Variants in PAFAH1B1 observed in about 807,000 individuals in gnomAD.
PAFAH1B1 encodes platelet-activating factor acetylhydrolase IB subunit beta.
A neutral mutation model predicts 57.5 loss-of-function variants in PAFAH1B1; 2 were observed. The ratio of observed to expected loss-of-function variants is 0.03; its 90% CI spans 0.01 to 0.11. The LOEUF is 0.11. Among genes scored for constraint, PAFAH1B1 ranks in the 10% least tolerant of loss-of-function variants. The pLI, the probability that PAFAH1B1 is intolerant of heterozygous loss-of-function variation, is 1.00. For missense variants in PAFAH1B1, 257 were observed against 512.0 expected, an observed-to-expected ratio of 0.50 and a Z score of 4.81; for synonymous variants, 152 against 169.6, an observed-to-expected ratio of 0.90 and a Z score of 0.81.
At chr17:2,646,466 A>G (rs1473447623) in intron 2 of PAFAH1B1, among the ~76,000 whole-genome samples, 1 of 152,166 alleles carries the variant, frequency 6.6e-6, no homozygotes, top group Non-Finnish European at 1.5e-5. Flanking sequence ...CTGCCTGGCC[A>G]ACATGGTGAA....
chr17:2,616,637 A>G lies in PAFAH1B1; in HGVS notation c.-190-21462A>G, dbSNP rs1023207452. 2.0e-5 allele frequency among the ~76,000 whole-genome samples: 3 copies of G among 152,332 alleles called. No individual in the cohort carries two copies. The East Asian group carries it at 5.8e-4, about 29-fold the overall frequency. ...TTAAATGTTAATTGTATCTGAAGAA[A>G]TATCTTCACAGCAACATCTAAACTA... On this transcript the variant is annotated intron_variant, in intron 1 of 10. Coordinates refer to ENST00000397195, the MANE Select transcript of PAFAH1B1 (RefSeq NM_000430.4).
intron 1 of PAFAH1B1, among the ~76,000 whole-genome samples, chr17:2,609,044 A>G (rs1028711054): frequency 2.6e-5 from 4 of 152,210 alleles, no homozygotes; most frequent in Non-Finnish European, 4.4e-5. Flanking sequence ...GCCAACATTT[A>G]AAAACTAGCT....
At chr17:2,621,658 C>G (rs2068425548) in intron 1 of PAFAH1B1, among the ~76,000 whole-genome samples, 1 of 119,890 alleles carries the variant, frequency 8.3e-6, no homozygotes, top group African/African-American at 3.4e-5. Context: ...CAGGGTCACC[C>G]TCTGTTGCCC....
intron 1 of PAFAH1B1, among the ~76,000 whole-genome samples, chr17:2,605,432 A>G (rs756656838): frequency 1.6e-4 from 25 of 152,232 alleles, no homozygotes; most frequent in Admixed American, 9.8e-4. Context: ...CTTTAATGAA[A>G]ATGCAAAGAA....
chr17:2,671,216 GT>G (rs750928242), intron 6 of PAFAH1B1, among the ~76,000 whole-genome samples: 8 of 148,344 alleles, frequency 5.4e-5, no homozygotes, highest in Non-Finnish European at 9.0e-5. Flanking sequence ...TTTTTTGGTT[GT>G]TTTTTTTTTG....
intron 5 of PAFAH1B1, among the ~76,000 whole-genome samples, chr17:2,668,793 GT>G (rs1276271491): frequency 1.3e-5 from 2 of 152,096 alleles, no homozygotes; most frequent in Non-Finnish European, 2.9e-5. Context: ...GGCTAACATG[GT>G]GAAACCCCGT....
intron 5 of PAFAH1B1, among the ~76,000 whole-genome samples, chr17:2,669,065 C>T (rs940924752): frequency 6.6e-6 from 1 of 152,070 alleles, no homozygotes; most frequent in African/African-American, 2.4e-5. Context: ...TAGTCATTCT[C>T]ATTACATATG....
intron 1 of PAFAH1B1, among the ~76,000 whole-genome samples, chr17:2,623,653 A>G (rs1315407509): frequency 2.1e-5 from 3 of 143,786 alleles, no homozygotes; most frequent in Admixed American, 1.4e-4. Context: ...TTAAAGATGG[A>G]GTCTTGCTCT....
chr17:2,649,338 C>T (rs1262868613), intron 2 of PAFAH1B1, among the ~76,000 whole-genome samples: 4 of 151,930 alleles, frequency 2.6e-5, no homozygotes, highest in Admixed American at 6.6e-5. Context: ...TTTGGAAGGC[C>T]GAGGCGGGTG....
At chr17:2,666,788 A>G (rs1283904212) in intron 4 of PAFAH1B1, among the ~76,000 whole-genome samples, 1 of 152,122 alleles carries the variant, frequency 6.6e-6, no homozygotes, top group African/African-American at 2.4e-5. Flanking sequence ...ATTTTTCTCA[A>G]TTTTTAGTTT....
At chr17:2,614,973 C>T (rs1269028202) in intron 1 of PAFAH1B1, among the ~76,000 whole-genome samples, 1 of 152,150 alleles carries the variant, frequency 6.6e-6, no homozygotes, top group African/African-American at 2.4e-5. Flanking sequence ...CATTCCTTCC[C>T]ACTATTTGTG....
intron 10 of PAFAH1B1, 35 bp from the exon 11 acceptor site, chr17:2,681,694 G>C (rs767902659): frequency 6.5e-7 from 1 of 1,543,980 alleles, no homozygotes; most frequent in Non-Finnish European, 8.9e-7. Flanking sequence ...AGGCTTACGT[G>C]TGAGTTTTAA....
At chr17:2,642,769 G>C (rs2068713363) in intron 2 of PAFAH1B1, among the ~76,000 whole-genome samples, 1 of 152,090 alleles carries the variant, frequency 6.6e-6, no homozygotes, top group Admixed American at 6.5e-5. Context: ...CTTAGAATTT[G>C]TTTTGTTGTT....
intron 1 of PAFAH1B1, among the ~76,000 whole-genome samples, chr17:2,624,398 T>C (rs549558082): frequency 6.6e-6 from 1 of 152,336 alleles, no homozygotes; most frequent in South Asian, 2.1e-4. Context: ...GTTCGTTTTC[T>C]TGCTGCTGAT....
chr17:2,638,194 A>G lies in PAFAH1B1; in HGVS notation c.-95A>G, dbSNP rs2068647803. On this transcript the variant is annotated 5_prime_UTR_variant, in exon 2 of 11. Transcript: ENST00000397195. ...CCCTGTGTGGAAGACACTTAGTGGC[A>G]TATTTAAATTATAAGTCCACGGATC... is the stretch of plus-strand genomic sequence containing the variant. 1 of 910,048 alleles carries G rather than the reference A, an allele frequency of 1.1e-6. No homozygotes were observed. The allele number at this position is 910,048 out of a possible 1,614,324, so 56.4% of individuals were successfully genotyped here.
chr17:2,638,335 T>C lies in PAFAH1B1; in HGVS notation c.32+15T>C, dbSNP rs1377131771. The C allele has an allele frequency of 6.2e-7, 1 of 1,611,360 alleles. No individual in the cohort carries two copies. Among genetic ancestry groups the C allele is most frequent in the Admixed American group, 1.7e-5 (1 of 60,004 alleles). ...CGAGATGAACTGTAAGTTTCTTTGT[T>C]TTGTGCTTTAAAAAAAATCTCCCTC... On this transcript the variant is annotated intron_variant, in intron 2 of 10. Coordinates refer to ENST00000397195, the MANE Select transcript of PAFAH1B1 (RefSeq NM_000430.4).
chr17:2,610,552 T>A (rs2068256177), intron 1 of PAFAH1B1, among the ~76,000 whole-genome samples: 1 of 152,188 alleles, frequency 6.6e-6, no homozygotes, highest in Admixed American at 6.5e-5. Context: ...ATATTTTGAC[T>A]TCCCTGGGCC....
chr17:2,603,023 C>A (rs1302454869), intron 1 of PAFAH1B1, among the ~76,000 whole-genome samples: 1 of 152,200 alleles, frequency 6.6e-6, no homozygotes, highest in Non-Finnish European at 1.5e-5. Context: ...TCAAGCCCCA[C>A]CTTGCTCACA....
rs1254603065 is a variant in PAFAH1B1, at chr17:2,683,356, TAA to T, written c.*1555_*1556del. 1 of 152,208 alleles carries T rather than the reference TAA, an allele frequency of 6.6e-6. No individual in the cohort carries two copies. Among genetic ancestry groups the T allele is most frequent in the Non-Finnish European group, 1.5e-5 (1 of 68,032 alleles). 9.4% of individuals were successfully genotyped at this position (152,208 alleles called of 1,614,324 possible). A position where few individuals can be genotyped will look rare whatever the true frequency, so the allele number is the denominator to read the frequency against. On this transcript the variant is annotated 3_prime_UTR_variant, in exon 11 of 11. Transcript: ENST00000397195. ...TTGAAAAGTTAACAGAACAATGAGATAACAGTGACAGTTTAACAAAGATAAAA... is the reference window on the plus strand; with the variant it reads ...TTGAAAAGTTAACAGAACAATGAGATCAGTGACAGTTTAACAAAGATAAAA...
Sources: allele counts gnomAD v4.1 joint callset (sites outside exome capture counted in the v4.1 genomes callset), GRCh38; gene constraint gnomAD v4.1.1; transcripts MANE v1.5; gene names NCBI Gene and HGNC (gene_info 2026-07-23, HGNC 2026-07-21).